Variants in MICAL3 observed in about 807,000 individuals in gnomAD.
MICAL3 encodes [F-actin]-monooxygenase MICAL3.
In MICAL3, 62 loss-of-function variants were observed where a neutral mutation model predicts 207.4. The observed-to-expected ratio is 0.30, with a 90% CI of 0.24 to 0.37. MICAL3 has a LOEUF of 0.37. MICAL3 is among the 10% of genes least tolerant of loss of function. MICAL3 has a pLI of 1.00. For synonymous variants in MICAL3, 1,077 were observed against 1,069.3 expected, an observed-to-expected ratio of 1.01 and a Z score of -0.14; for missense variants, 2,368 against 2,635.6, an observed-to-expected ratio of 0.90 and a Z score of 2.22.
At chr22:17,909,626 A>T (rs754200209) in intron 1 of MICAL3, among the ~76,000 whole-genome samples, 2 of 152,262 alleles carry the variant, frequency 1.3e-5, no homozygotes, top group Non-Finnish European at 2.9e-5. Flanking sequence ...ACTGGAATTA[A>T]CATTCAGTTT....
At position 17,819,004 on chromosome 22, in the gene MICAL3, C is replaced by T; in HGVS notation, c.3657G>A (p.Val1219=). ...KADAPSDLKA[V]HSPIRSQPVT... is the part of the protein sequence containing the mutation. ...CTGGCTGTGATCGGATGGGAGAGTG[C>T]ACAGCTTTCAGATCCGAGGGGGCAT... Residue 1219 remains valine (V), a synonymous_variant, in exon 26 of 32, where the codon GTG becomes GTA. Coordinates refer to ENST00000441493, the MANE Select transcript of MICAL3 (RefSeq NM_015241.3). The T allele has an allele frequency of 6.2e-7, 1 of 1,608,902 alleles. No individual in the cohort carries two copies.
intron 1 of MICAL3, among the ~76,000 whole-genome samples, chr22:17,937,999 G>A (rs1275015197): frequency 6.6e-6 from 1 of 152,230 alleles, no homozygotes; most frequent in Non-Finnish European, 1.5e-5. Context: ...CTTGCAAGGA[G>A]GAGGCATGAG....
intron 1 of MICAL3, among the ~76,000 whole-genome samples, chr22:17,978,062 A>T (rs552059646): frequency 3.0e-4 from 42 of 139,012 alleles, no homozygotes; most frequent in East Asian, 1.9e-3. Context: ...TAAAATAAAA[A>T]AATATACACC....
intron 11 of MICAL3, among the ~76,000 whole-genome samples, chr22:17,893,034 C>G (rs138453977): frequency 1.3e-5 from 2 of 152,344 alleles, no homozygotes; most frequent in African/African-American, 4.8e-5. Flanking sequence ...CTGCTGCCCC[C>G]ACTTCACAGA....
At chr22:17,792,560 C>T (rs540768876) in intron 29 of MICAL3, among the ~76,000 whole-genome samples, 1 of 152,340 alleles carries the variant, frequency 6.6e-6, no homozygotes, top group Admixed American at 6.5e-5. Flanking sequence ...CTGCTAGCTG[C>T]CTTTCTCCAC....
Position 17,986,857 on chromosome 22 carries a change from C to T in MICAL3, c.-75+37424G>A, listed in dbSNP as rs563441656. Among the ~76,000 whole-genome samples, 6 of 152,280 alleles carry T rather than the reference C, an allele frequency of 3.9e-5. No individual in the cohort carries two copies. The South Asian group carries it at 1.0e-3, about 26-fold the overall frequency. ...CTACATCAGAAATGGTAGGATACCT[C>T]TTTTCTCCCATTTATTTCCAAAGTA... On this transcript the variant is annotated intron_variant, in intron 1 of 31. Transcript: ENST00000441493.
At chr22:17,861,395 C>T (rs749199259) in intron 19 of MICAL3, 9 of 985,482 alleles carry the variant, frequency 9.1e-6, no homozygotes, top group South Asian at 4.7e-5. Context: ...AACTAACGTG[C>T]TTCTCCCCGT....
intron 1 of MICAL3, among the ~76,000 whole-genome samples, chr22:17,967,772 C>T (rs1329441206): frequency 6.7e-6 from 1 of 150,198 alleles, no homozygotes; most frequent in African/African-American, 2.4e-5. Context: ...ATTGGCTGGG[C>T]GTGGTGGCTC....
chr22:17,984,838 G>A (rs1180199383), intron 1 of MICAL3, among the ~76,000 whole-genome samples: 2 of 152,198 alleles, frequency 1.3e-5, no homozygotes, highest in Non-Finnish European at 1.5e-5. Flanking sequence ...CCAAGGCAAA[G>A]GGGTTAAATA....
intron 1 of MICAL3, among the ~76,000 whole-genome samples, chr22:17,908,031 C>T (rs150816673): frequency 2.0e-5 from 3 of 152,302 alleles, no homozygotes; most frequent in Non-Finnish European, 2.9e-5. Context: ...CTGCACCCAC[C>T]GGCTCCTGTG....
At chr22:17,976,559 GTGTATATATATATA>G (rs1569154075) in intron 1 of MICAL3, among the ~76,000 whole-genome samples, 1 of 78,804 alleles carries the variant, frequency 1.3e-5, no homozygotes, top group African/African-American at 7.4e-5. Context: ...GTGTGTGTGT[GTGTATATATATATA>G]TATATATATA....
chr22:17,823,156 G>A (rs982952303), intron 22 of MICAL3, 96 bp from the exon 23 acceptor site: 36 of 814,852 alleles, frequency 4.4e-5, no homozygotes, highest in Non-Finnish European at 6.3e-5. Context: ...TTCTCAGGGC[G>A]CTGCCATGCA....
chr22:17,954,111 C>T (rs1048812662), intron 1 of MICAL3, among the ~76,000 whole-genome samples: 2 of 152,084 alleles, frequency 1.3e-5, no homozygotes, highest in Admixed American at 6.5e-5. Context: ...GAAACTCCCC[C>T]TGCTAGAATA....
At chr22:17,929,622 C>T (rs139659666) in intron 1 of MICAL3, among the ~76,000 whole-genome samples, 1,857 of 127,086 alleles carry the variant, frequency 0.015, 24 homozygotes, top group Non-Finnish European at 0.017. Context: ...GGTTGGAGTG[C>T]AGTGGCGCTA....
At chr22:17,828,002 T>C (rs1052667988) in intron 21 of MICAL3, among the ~76,000 whole-genome samples, 13 of 152,148 alleles carry the variant, frequency 8.5e-5, no homozygotes, top group African/African-American at 2.9e-4. Flanking sequence ...GCTCATTCAG[T>C]GTGACCTGGT....
At chr22:17,864,069 C>A (rs573797433) in intron 19 of MICAL3, 1 of 987,012 alleles carries the variant, frequency 1.0e-6, no homozygotes, top group Admixed American at 6.0e-5. Flanking sequence ...GAGCTCTGGA[C>A]GCATCTCACA....
intron 1 of MICAL3, chr22:18,005,292 C>CA (rs1394382241): frequency 1.3e-5 from 2 of 152,216 alleles, no homozygotes; most frequent in East Asian, 3.9e-4. Flanking sequence ...ATTTCAGTCT[C>CA]AAAACAGTCA....
chr22:17,804,585 C>T (rs1202716974), intron 29 of MICAL3, among the ~76,000 whole-genome samples: 2 of 152,232 alleles, frequency 1.3e-5, no homozygotes, highest in Admixed American at 1.3e-4. Context: ...CCTGGTAGTT[C>T]CACAGCTGTC....
chr22:17,947,652 G>T (rs192992470), intron 1 of MICAL3, among the ~76,000 whole-genome samples: 25 of 152,290 alleles, frequency 1.6e-4, no homozygotes, highest in Non-Finnish European at 2.9e-4. Flanking sequence ...TCCAACTTCT[G>T]AGCTCAAGTG....
Sources: gnomAD v4.1 joint callset for allele counts (sites outside exome capture counted in the v4.1 genomes callset) on GRCh38, gnomAD v4.1.1 for gene constraint, MANE v1.5 for transcripts, NCBI Gene and HGNC (gene_info 2026-07-23, HGNC 2026-07-21) for gene names.